PRR16: variants seen among roughly 807,000 people sequenced by gnomAD.
PRR16 encodes proline rich 16.
PRR16 carries 6 observed loss-of-function variants against 18.2 expected under a neutral mutation model. The ratio of observed to expected loss-of-function variants is 0.33; its 90% CI spans 0.18 to 0.65. The LOEUF is 0.65. PRR16 is among the 30% of genes least tolerant of loss of function. The probability of loss-of-function intolerance (pLI) is 0.74; values close to 1 mark genes in which losing one functional copy is unlikely to be tolerated. For missense variants in PRR16, 412 were observed against 376.6 expected, an observed-to-expected ratio of 1.09 and a Z score of -0.78; for synonymous variants, 151 against 147.8, an observed-to-expected ratio of 1.02 and a Z score of -0.16.
At chr5:120,536,854 A>C (rs543533156) in intron 1 of PRR16, among the ~76,000 whole-genome samples, 1 of 152,262 alleles carries the variant, frequency 6.6e-6, no homozygotes, top group Non-Finnish European at 1.5e-5. Context: ...ATGGAATACT[A>C]TGCAACCATA....
chr5:120,779,273 C>G, the PRR16 span, among the ~76,000 whole-genome samples: 1 of 152,120 alleles, frequency 6.6e-6, no homozygotes, highest in Non-Finnish European at 1.5e-5. Context: ...AGCAGGAAAA[C>G]AGGGATTTAG....
chr5:120,464,440 C>A lies in PRR16; in HGVS notation c.-47C>A. On this transcript the variant is annotated 5_prime_UTR_variant, in exon 1 of 2. Coordinates refer to ENST00000407149, the MANE Select transcript of PRR16 (RefSeq NM_001300783.2). ...CGCCAGGGACGGGGGCACGCAGCAGCCTCCGCTCGCCCGCCTGTCCTGACC... is the reference window on the plus strand; with the variant it reads ...CGCCAGGGACGGGGGCACGCAGCAGACTCCGCTCGCCCGCCTGTCCTGACC... 6.6e-7 allele frequency: 1 copy of A among 1,518,736 alleles called. No homozygotes were observed. Among genetic ancestry groups the A allele is most frequent in the Non-Finnish European group, 8.8e-7 (1 of 1,135,682 alleles). 94.1% of individuals were successfully genotyped at this position (1,518,736 alleles called of 1,614,324 possible).
chr5:120,778,247 C>T, the PRR16 span, among the ~76,000 whole-genome samples: 1 of 152,016 alleles, frequency 6.6e-6, no homozygotes, highest in Non-Finnish European at 1.5e-5. Context: ...ATCCTAGATA[C>T]CTGCCAATTA....
the PRR16 span, among the ~76,000 whole-genome samples, chr5:120,762,591 G>A: frequency 6.6e-6 from 1 of 152,068 alleles, no homozygotes; most frequent in Non-Finnish European, 1.5e-5. Context: ...GTCTCCTTTT[G>A]AGAAATGTCT....
chr5:120,761,873 C>CA, the PRR16 span, among the ~76,000 whole-genome samples: 1 of 152,056 alleles, frequency 6.6e-6, no homozygotes, highest in Non-Finnish European at 1.5e-5. Context: ...TACCTCCCCC[C>CA]AAAAACATAC....
chr5:120,722,250 G>A, the PRR16 span, among the ~76,000 whole-genome samples: 3 of 151,858 alleles, frequency 2.0e-5, 1 homozygote, highest in South Asian at 4.1e-4. Context: ...TATTCTTATA[G>A]AGCCAAGATT....
chr5:120,476,571 T>C (rs1216546265), intron 1 of PRR16, among the ~76,000 whole-genome samples: 1 of 152,198 alleles, frequency 6.6e-6, no homozygotes, highest in Admixed American at 6.5e-5. Context: ...TTCAATTGCA[T>C]GTAATACTTA....
At chr5:120,484,970 A>C (rs1240803034) in intron 1 of PRR16, among the ~76,000 whole-genome samples, 1 of 151,742 alleles carries the variant, frequency 6.6e-6, no homozygotes, top group Non-Finnish European at 1.5e-5. Flanking sequence ...ATTTTTGTCA[A>C]TAAAAATACA....
intron 1 of PRR16, among the ~76,000 whole-genome samples, chr5:120,505,414 CAGG>C (rs1750607314): frequency 6.6e-6 from 1 of 151,354 alleles, no homozygotes; most frequent in African/African-American, 2.5e-5. Context: ...CCTGCTTGGG[CAGG>C]TGTCCAATCA....
At chr5:120,656,855 A>G (rs952776380) in intron 1 of PRR16, among the ~76,000 whole-genome samples, 2 of 151,988 alleles carry the variant, frequency 1.3e-5, no homozygotes, top group African/African-American at 2.4e-5. Flanking sequence ...GCACAGAATA[A>G]TGTTCCTTTT....
chr5:120,699,384 T>A, the PRR16 span, among the ~76,000 whole-genome samples: 2 of 151,568 alleles, frequency 1.3e-5, no homozygotes, highest in African/African-American at 2.4e-5. Context: ...AGAAGGAAAT[T>A]TGGGGAAATG....
chr5:120,633,466 C>T (rs1755126085), intron 1 of PRR16, among the ~76,000 whole-genome samples: 1 of 152,076 alleles, frequency 6.6e-6, no homozygotes, highest in Non-Finnish European at 1.5e-5. Flanking sequence ...TTTCTGCTGT[C>T]TTCAGGAGAC....
intron 1 of PRR16, among the ~76,000 whole-genome samples, chr5:120,526,763 C>A (rs1751368019): frequency 6.6e-6 from 1 of 152,068 alleles, no homozygotes; most frequent in South Asian, 2.1e-4. Flanking sequence ...TTTGCTGTTT[C>A]CCAGCATTCT....
chr5:120,690,115 C>A (rs915952555), downstream of PRR16, among the ~76,000 whole-genome samples: 2 of 152,082 alleles, frequency 1.3e-5, no homozygotes, highest in African/African-American at 4.8e-5. Flanking sequence ...ATAACTGCAT[C>A]CTAATTATTA....
chr5:120,649,203 A>G (rs1242783111), intron 1 of PRR16, among the ~76,000 whole-genome samples: 4 of 152,126 alleles, frequency 2.6e-5, no homozygotes, highest in Non-Finnish European at 5.9e-5. Flanking sequence ...TTTTAGGTCT[A>G]TTTTAATATT....
chr5:120,677,127 C>T (rs953017527), intron 1 of PRR16, among the ~76,000 whole-genome samples: 2 of 152,100 alleles, frequency 1.3e-5, no homozygotes, highest in African/African-American at 2.4e-5. Context: ...CAGCAGAACA[C>T]GAAGTTGTAG....
chr5:120,558,703 G>C (rs138478484), intron 1 of PRR16, among the ~76,000 whole-genome samples: 156 of 151,966 alleles, frequency 1.0e-3, no homozygotes, highest in Middle Eastern at 3.4e-3. Flanking sequence ...TCTATTTTTA[G>C]TTTGTTGAGG....
chr5:120,511,910 T>C (rs935801877), intron 1 of PRR16, among the ~76,000 whole-genome samples: 1 of 152,130 alleles, frequency 6.6e-6, no homozygotes, highest in African/African-American at 2.4e-5. Context: ...CTTCTAGGGG[T>C]CTTCTAGGAA....
chr5:120,650,570 C>T (rs1755747160), intron 1 of PRR16, among the ~76,000 whole-genome samples: 1 of 149,026 alleles, frequency 6.7e-6, no homozygotes, highest in African/African-American at 2.5e-5. Context: ...TGAGTGAGAA[C>T]ATGTGTTGTT....
Sources: gnomAD v4.1 joint callset for allele counts (sites outside exome capture counted in the v4.1 genomes callset) on GRCh38, gnomAD v4.1.1 for gene constraint, MANE v1.5 for transcripts, NCBI Gene and HGNC (gene_info 2026-07-23, HGNC 2026-07-21) for gene names.